WDR70: variants seen among roughly 807,000 people sequenced by gnomAD.
The protein encoded by WDR70 is WD repeat-containing protein 70.
A neutral mutation model predicts 88.6 loss-of-function variants in WDR70; 53 were observed. That is an observed-to-expected ratio of 0.60 (90% CI 0.48 to 0.75). The LOEUF is 0.75. Ranked by LOEUF, WDR70 falls within the 30% of genes least tolerant of loss-of-function variation. The pLI is 0.00. For missense variants in WDR70, 610 were observed against 823.2 expected, an observed-to-expected ratio of 0.74 and a Z score of 3.17; for synonymous variants, 280 against 270.0, an observed-to-expected ratio of 1.04 and a Z score of -0.36.
chr5:37,416,371 C>T (rs953206743), intron 5 of WDR70, among the ~76,000 whole-genome samples: 13 of 152,044 alleles, frequency 8.6e-5, no homozygotes, highest in Non-Finnish European at 1.8e-4. Context: ...ACCAGTCAGG[C>T]GTGGCGGCGC....
chr5:37,430,592 G>T (rs1034581865), intron 5 of WDR70, among the ~76,000 whole-genome samples: 1 of 150,986 alleles, frequency 6.6e-6, no homozygotes. Flanking sequence ...ACGGAGTCTC[G>T]CTCTGTTGCC....
At chr5:37,576,478 A>T (rs1254986091) in intron 9 of WDR70, among the ~76,000 whole-genome samples, 3 of 152,094 alleles carry the variant, frequency 2.0e-5, no homozygotes, top group African/African-American at 7.2e-5. Context: ...CTTGTATTTT[A>T]TTTAGCAATA....
At chr5:37,389,358 C>T (rs7723593) in intron 3 of WDR70, among the ~76,000 whole-genome samples, 146,354 of 150,608 alleles carry the variant, frequency 0.97, 71,275 homozygotes, top group East Asian at 1. Flanking sequence ...CCTCTCAAAG[C>T]GCAAGGATTA....
chr5:37,384,758 G>A (rs1748552066), intron 3 of WDR70, among the ~76,000 whole-genome samples: 1 of 150,322 alleles, frequency 6.7e-6, no homozygotes, highest in Non-Finnish European at 1.5e-5. Flanking sequence ...GCCTTCCAAA[G>A]TGCTAGGATT....
At chr5:37,548,379 C>T (rs1367694482) in intron 9 of WDR70, among the ~76,000 whole-genome samples, 1 of 152,062 alleles carries the variant, frequency 6.6e-6, no homozygotes, top group African/African-American at 2.4e-5. Context: ...TTTCATTTGT[C>T]TGGTGATCAG....
At chr5:37,441,688 C>T (rs562940159) in intron 6 of WDR70, among the ~76,000 whole-genome samples, 3 of 151,926 alleles carry the variant, frequency 2.0e-5, no homozygotes, top group East Asian at 1.9e-4. Context: ...CGTGGTGCTA[C>T]GTGCCTGTCA....
chr5:37,593,512 A>G (rs1487883562), intron 9 of WDR70, among the ~76,000 whole-genome samples: 2 of 152,146 alleles, frequency 1.3e-5, no homozygotes, highest in African/African-American at 2.4e-5. Context: ...GTATTCCATG[A>G]CGTATATGTG....
chr5:37,487,627 A>ATATATTTTTTTTTTTTTTTTTT (rs1317924512), intron 8 of WDR70, among the ~76,000 whole-genome samples: 1 of 69,070 alleles, frequency 1.4e-5, no homozygotes, highest in African/African-American at 5.0e-5. Context: ...ATATATATGT[A>ATATATTTTTTTTTTTTTTTTTT]TTTTTTTTTT....
chr5:37,398,867 C>T lies in WDR70; in HGVS notation c.492+2297C>T, dbSNP rs564023094. Among the ~76,000 whole-genome samples, 3 of 152,256 alleles carry T rather than the reference C, an allele frequency of 2.0e-5. No homozygotes were observed. The South Asian group carries it at 6.2e-4, about 32-fold the overall frequency. On this transcript the variant is annotated intron_variant, in intron 5 of 17. Transcript: ENST00000265107. ...TGTAGGTTGAAATATTTTGACTGGGCACTGTGGCGCACGCCTGTAATCCCA... is the reference window on the plus strand; with the variant it reads ...TGTAGGTTGAAATATTTTGACTGGGTACTGTGGCGCACGCCTGTAATCCCA...
intron 10 of WDR70, among the ~76,000 whole-genome samples, chr5:37,648,965 CT>C (rs751457583): frequency 6.6e-5 from 10 of 152,088 alleles, no homozygotes; most frequent in Admixed American, 2.6e-4. Context: ...TCAAAATGAT[CT>C]TTAGAAATTG....
At chr5:37,541,656 A>AG (rs1741819817) in intron 9 of WDR70, among the ~76,000 whole-genome samples, 1 of 152,164 alleles carries the variant, frequency 6.6e-6, no homozygotes, top group Non-Finnish European at 1.5e-5. Context: ...TTTTTTAAAA[A>AG]GGTGGGCATG....
intron 17 of WDR70, among the ~76,000 whole-genome samples, chr5:37,751,893 T>G (rs1038830449): frequency 6.6e-6 from 1 of 152,212 alleles, no homozygotes; most frequent in African/African-American, 2.4e-5. Context: ...CATGTATCAG[T>G]GATGTATCCT....
intron 10 of WDR70, among the ~76,000 whole-genome samples, chr5:37,625,728 C>T (rs901334205): frequency 6.6e-5 from 10 of 151,906 alleles, no homozygotes; most frequent in Non-Finnish European, 1.0e-4. Flanking sequence ...GTGGTTTCAC[C>T]GTGTTGGCCA....
At chr5:37,713,215 G>A (rs528700973) in intron 13 of WDR70, among the ~76,000 whole-genome samples, 23 of 152,134 alleles carry the variant, frequency 1.5e-4, no homozygotes, top group Non-Finnish European at 2.9e-4. Context: ...GGCCAATCAC[G>A]TGCTGCCTTA....
intron 9 of WDR70, among the ~76,000 whole-genome samples, chr5:37,533,561 G>C (rs1271601024): frequency 6.6e-6 from 1 of 150,494 alleles, no homozygotes. Flanking sequence ...GGGCCATAGA[G>C]CTTTCAAGAG....
intron 17 of WDR70, among the ~76,000 whole-genome samples, chr5:37,737,352 C>A (rs1429736282): frequency 6.6e-6 from 1 of 152,094 alleles, no homozygotes; most frequent in East Asian, 1.9e-4. Flanking sequence ...CAGAATCAAG[C>A]CTATAACTGT....
intron 16 of WDR70, among the ~76,000 whole-genome samples, chr5:37,725,457 G>A (rs1747943405): frequency 6.6e-6 from 1 of 152,058 alleles, no homozygotes; most frequent in Non-Finnish European, 1.5e-5. Flanking sequence ...AAGGCAGAAT[G>A]TGGCCATCAT....
At chr5:37,682,861 A>T (rs141584963) in intron 10 of WDR70, among the ~76,000 whole-genome samples, 56 of 152,186 alleles carry the variant, frequency 3.7e-4, no homozygotes, top group African/African-American at 1.3e-3. Flanking sequence ...ATTTTGGAGT[A>T]TGTGCCATGT....
At chr5:37,443,627 C>T (rs1397783168) in intron 7 of WDR70, among the ~76,000 whole-genome samples, 1 of 152,148 alleles carries the variant, frequency 6.6e-6, no homozygotes, top group African/African-American at 2.4e-5. Flanking sequence ...CCGAGGCAGG[C>T]GGATCACCTG....
Sources: gnomAD v4.1 joint callset for allele counts (sites outside exome capture counted in the v4.1 genomes callset) on GRCh38, gnomAD v4.1.1 for gene constraint, MANE v1.5 for transcripts, NCBI Gene and HGNC (gene_info 2026-07-23, HGNC 2026-07-21) for gene names.